The following TMEM132C variants were observed in gnomAD, a reference collection of about 807,000 sequenced individuals.
The protein encoded by TMEM132C is protein phosphatase 1, regulatory subunit 152.
In TMEM132C, 29 loss-of-function variants were observed where a neutral mutation model predicts 61.4. That is an observed-to-expected ratio of 0.47 (90% confidence interval 0.35 to 0.64). TMEM132C has a LOEUF of 0.64. Among genes scored for constraint, TMEM132C ranks in the 30% least tolerant of loss-of-function variants. The probability of loss-of-function intolerance (pLI) is 0.00; values close to 1 mark genes in which losing one functional copy is unlikely to be tolerated. For synonymous variants in TMEM132C, 656 were observed against 633.1 expected (o/e 1.04, Z -0.54); for missense variants, 1,408 against 1,476.9 (o/e 0.95, Z 0.76).
At chr12:128,455,910 C>T (rs1484010770) in intron 2 of TMEM132C, among the ~76,000 whole-genome samples, 1 of 152,192 alleles carries the variant, frequency 6.6e-6, no homozygotes, top group Non-Finnish European at 1.5e-5. Context: ...ATTCAGAAAA[C>T]ATCTGTGTCA....
intron 3 of TMEM132C, among the ~76,000 whole-genome samples, chr12:128,567,175 C>T (rs916689572): frequency 2.0e-5 from 3 of 152,110 alleles, no homozygotes; most frequent in African/African-American, 7.2e-5. Flanking sequence ...CAAATCAGAA[C>T]ATCATAATGT....
chr12:128,542,518 C>T (rs1210279424), intron 2 of TMEM132C, among the ~76,000 whole-genome samples: 1 of 152,110 alleles, frequency 6.6e-6, no homozygotes, highest in East Asian at 1.9e-4. Flanking sequence ...GTTGGCCAAG[C>T]TAATCTCCAA....
At chr12:128,324,715 G>T (rs1456299188) in intron 1 of TMEM132C, among the ~76,000 whole-genome samples, 1 of 152,096 alleles carries the variant, frequency 6.6e-6, no homozygotes, top group Non-Finnish European at 1.5e-5. Flanking sequence ...ACAAAAATTA[G>T]CCAGGCATGG....
At chr12:128,350,312 A>G (rs1014643398) in intron 1 of TMEM132C, among the ~76,000 whole-genome samples, 8 of 152,020 alleles carry the variant, frequency 5.3e-5, no homozygotes, top group Admixed American at 4.6e-4. Context: ...ATGGCAAGTT[A>G]GAGATGTGAA....
chr12:128,535,419 G>A (rs1208429386), intron 2 of TMEM132C, among the ~76,000 whole-genome samples: 1 of 152,150 alleles, frequency 6.6e-6, no homozygotes, highest in Admixed American at 6.5e-5. Flanking sequence ...CCATGAAAAA[G>A]TGGGCGAAGG....
At position 128,477,263 on chromosome 12, in the gene TMEM132C, T is replaced by G. The variant is rs574539235; in HGVS notation, c.974+61643T>G. Reference sequence around the variant, plus strand: ...AGTTGGGTAGATGCACTTTGCACTGTAAATATCTCAACTTCATCCTGGGCC... The same window carrying G: ...AGTTGGGTAGATGCACTTTGCACTGGAAATATCTCAACTTCATCCTGGGCC... On this transcript the variant is annotated intron_variant, in intron 2 of 8. Coordinates refer to ENST00000435159, the MANE Select transcript of TMEM132C (RefSeq NM_001136103.3). Among the ~76,000 whole-genome samples, 86 of 152,302 alleles carry G rather than the reference T, an allele frequency of 5.6e-4. 2 individuals carry two copies. The South Asian group carries it at 0.017, about 30-fold the overall frequency.
At chr12:128,672,205 C>T (rs1016127268) in intron 5 of TMEM132C, among the ~76,000 whole-genome samples, 2 of 152,038 alleles carry the variant, frequency 1.3e-5, no homozygotes, top group African/African-American at 4.8e-5. Flanking sequence ...AAACTAGCCC[C>T]ATTTCCAGTG....
intron 1 of TMEM132C, among the ~76,000 whole-genome samples, chr12:128,342,001 C>A (rs1872990047): frequency 1.3e-5 from 2 of 151,910 alleles, no homozygotes; most frequent in Non-Finnish European, 2.9e-5. Context: ...GTTCACCTGG[C>A]CACACTTCTT....
chr12:128,512,506 G>A (rs145365145), intron 2 of TMEM132C, among the ~76,000 whole-genome samples: 25 of 152,196 alleles, frequency 1.6e-4, no homozygotes, highest in African/African-American at 5.8e-4. Flanking sequence ...ATTTCACCAG[G>A]CAAGAGAACC....
At chr12:128,648,827 T>A (rs1954237927) in intron 4 of TMEM132C, among the ~76,000 whole-genome samples, 1 of 150,918 alleles carries the variant, frequency 6.6e-6, no homozygotes, top group Non-Finnish European at 1.5e-5. Flanking sequence ...CAGCATTGGA[T>A]GTGAGTGTGT....
chr12:128,378,184 G>A (rs1242246784), intron 1 of TMEM132C, among the ~76,000 whole-genome samples: 1 of 150,872 alleles, frequency 6.6e-6, no homozygotes, highest in African/African-American at 2.4e-5. Context: ...GCGCAATCTC[G>A]GCTCACTGCA....
At chr12:128,671,118 A>G (rs1017590749) in intron 5 of TMEM132C, among the ~76,000 whole-genome samples, 1 of 152,216 alleles carries the variant, frequency 6.6e-6, no homozygotes, top group African/African-American at 2.4e-5. Flanking sequence ...ATAAAGTTTT[A>G]TTGGGACATA....
intron 1 of TMEM132C, among the ~76,000 whole-genome samples, chr12:128,395,737 C>T (rs764193377): frequency 2.3e-4 from 35 of 152,262 alleles, no homozygotes; most frequent in South Asian, 1.0e-3. Flanking sequence ...TTCTACTGAA[C>T]GGGCATCACT....
chr12:128,332,232 C>T (rs12820493), intron 1 of TMEM132C, among the ~76,000 whole-genome samples: 1 of 152,180 alleles, frequency 6.6e-6, no homozygotes, highest in Non-Finnish European at 1.5e-5. Flanking sequence ...CTTAAGACAT[C>T]TAAGCATTTC....
At chr12:128,394,724 A>G (rs1221067807) in intron 1 of TMEM132C, among the ~76,000 whole-genome samples, 7 of 152,100 alleles carry the variant, frequency 4.6e-5, no homozygotes, top group African/African-American at 1.7e-4. Flanking sequence ...AAGAAATTCT[A>G]CCTTTAAAGT....
intron 1 of TMEM132C, among the ~76,000 whole-genome samples, chr12:128,328,602 C>T (rs906082500): frequency 2.0e-5 from 3 of 152,002 alleles, no homozygotes; most frequent in East Asian, 1.9e-4. Flanking sequence ...GCCTGACCAA[C>T]ATGGTGAAAC....
chr12:128,504,057 C>T (rs1397645783), intron 2 of TMEM132C, among the ~76,000 whole-genome samples: 2 of 152,106 alleles, frequency 1.3e-5, no homozygotes, highest in African/African-American at 4.8e-5. Flanking sequence ...CCTCTCCCTC[C>T]CTCTCACGTC....
At chr12:128,552,203 T>C (rs79159998) in intron 3 of TMEM132C, among the ~76,000 whole-genome samples, 3,785 of 152,340 alleles carry the variant, frequency 0.025, 174 homozygotes, top group African/African-American at 0.086. Flanking sequence ...CTCAAGTTTC[T>C]CATTAGGCAT....
At chr12:128,667,175 T>C (rs1954487030) in intron 4 of TMEM132C, among the ~76,000 whole-genome samples, 1 of 152,142 alleles carries the variant, frequency 6.6e-6, no homozygotes, top group Non-Finnish European at 1.5e-5. Context: ...GAGTGCAATT[T>C]AGGGACAGGG....
Sources: allele counts gnomAD v4.1 joint callset (sites outside exome capture counted in the v4.1 genomes callset), GRCh38; gene constraint gnomAD v4.1.1; transcripts MANE v1.5; gene names NCBI Gene and HGNC (gene_info 2026-07-23, HGNC 2026-07-21).